The following DAB1 variants were observed in gnomAD, a reference collection of about 807,000 sequenced individuals.
The protein encoded by DAB1 is DAB adaptor protein 1, also known as disabled homolog 1.
A neutral mutation model predicts 64.6 loss-of-function variants in DAB1; 15 were observed. The ratio of observed to expected loss-of-function variants is 0.23; its 90% CI spans 0.16 to 0.36. The LOEUF (loss-of-function observed/expected upper bound fraction) is 0.36. DAB1 is among the 10% of genes least tolerant of loss of function. The pLI is 1.00. For synonymous variants in DAB1, 235 were observed against 251.9 expected (o/e 0.93, Z 0.64); for missense variants, 596 against 706.7 (o/e 0.84, Z 1.78).
intron 3 of DAB1, among the ~76,000 whole-genome samples, chr1:58,439,233 G>A (rs1020836220): frequency 6.6e-6 from 1 of 152,042 alleles, no homozygotes. Flanking sequence ...GTTAACTGAT[G>A]TATCCCACAT....
At chr1:58,513,517 C>T (rs1646113387) in intron 2 of DAB1, among the ~76,000 whole-genome samples, 1 of 152,160 alleles carries the variant, frequency 6.6e-6, no homozygotes, top group Admixed American at 6.5e-5. Flanking sequence ...GGTAACCTTT[C>T]CTTCTTAAAA....
intron 5 of DAB1, among the ~76,000 whole-genome samples, chr1:57,914,923 A>T (rs1400438563): frequency 6.6e-6 from 1 of 152,166 alleles, no homozygotes; most frequent in Non-Finnish European, 1.5e-5. Flanking sequence ...TAGCACCCTA[A>T]CTCTTAGGAA....
At chr1:57,799,333 C>G (rs1251323058) in intron 6 of DAB1, among the ~76,000 whole-genome samples, 1 of 152,138 alleles carries the variant, frequency 6.6e-6, no homozygotes, top group African/African-American at 2.4e-5. Flanking sequence ...CTTCCTTAAG[C>G]CTTCGGTGGC....
At chr1:58,141,368 A>T (rs1385201516) in intron 5 of DAB1, among the ~76,000 whole-genome samples, 1 of 152,066 alleles carries the variant, frequency 6.6e-6, no homozygotes, top group East Asian at 1.9e-4. Context: ...ATCTCGTGAG[A>T]CTTATTCACT....
At chr1:57,747,360 G>A (rs976076322) in intron 6 of DAB1, among the ~76,000 whole-genome samples, 3 of 152,034 alleles carry the variant, frequency 2.0e-5, no homozygotes, top group African/African-American at 7.3e-5. Flanking sequence ...CTACCTGAGG[G>A]GTACTTAGGA....
intron 2 of DAB1, among the ~76,000 whole-genome samples, chr1:57,275,443 A>G (rs1469376809): frequency 1.3e-5 from 2 of 152,220 alleles, no homozygotes; most frequent in Non-Finnish European, 2.9e-5. Flanking sequence ...TGCACTAATC[A>G]CTTGATGACA....
At chr1:57,252,845 G>A (rs969446814) in intron 2 of DAB1, among the ~76,000 whole-genome samples, 1 of 152,154 alleles carries the variant, frequency 6.6e-6, no homozygotes, top group Non-Finnish European at 1.5e-5. Context: ...GGCAGATCAA[G>A]GGGCTTAAAA....
At chr1:58,496,843 T>C (rs1419761696) in intron 3 of DAB1, among the ~76,000 whole-genome samples, 1 of 152,212 alleles carries the variant, frequency 6.6e-6, no homozygotes, top group Non-Finnish European at 1.5e-5. Context: ...TCTACATAGA[T>C]TTCTCGTGAA....
At chr1:57,892,820 T>C (rs906773049) in intron 5 of DAB1, among the ~76,000 whole-genome samples, 1 of 152,188 alleles carries the variant, frequency 6.6e-6, no homozygotes, top group Non-Finnish European at 1.5e-5. Flanking sequence ...TGACAGACAG[T>C]AGATATAAAT....
chr1:57,071,718 A>G (rs1253900512), intron 5 of DAB1, 77 bp from the exon 6 acceptor site: 3 of 1,379,386 alleles, frequency 2.2e-6, no homozygotes, highest in East Asian at 4.8e-5. Context: ...TTTTGCGGCG[A>G]CAACCCGCAG....
chr1:57,190,760 G>A (rs1230541103), intron 2 of DAB1, among the ~76,000 whole-genome samples: 1 of 152,148 alleles, frequency 6.6e-6, no homozygotes, highest in East Asian at 1.9e-4. Context: ...AGTACCAAGA[G>A]GCAACTCCAT....
intron 5 of DAB1, 150 bp downstream of exon 5, chr1:57,072,133 T>A: frequency 1.2e-6 from 1 of 858,322 alleles, no homozygotes; most frequent in Non-Finnish European, 1.8e-6. Context: ...AGGCTGTTTA[T>A]CTTTTCTAGA....
intron 7 of DAB1, among the ~76,000 whole-genome samples, chr1:57,531,020 T>C (rs1644657288): frequency 6.6e-6 from 1 of 152,152 alleles, no homozygotes; most frequent in African/African-American, 2.4e-5. Flanking sequence ...AGACTTACTT[T>C]TGATTTAAGT....
chr1:58,444,652 C>T (rs1557763791), intron 3 of DAB1, among the ~76,000 whole-genome samples: 1 of 152,218 alleles, frequency 6.6e-6, no homozygotes, highest in Non-Finnish European at 1.5e-5. Flanking sequence ...AAGTGATGCA[C>T]ATCTCTTGCA....
intron 4 of DAB1, among the ~76,000 whole-genome samples, chr1:57,105,246 G>T (rs914195338): frequency 6.6e-6 from 1 of 151,846 alleles, no homozygotes; most frequent in African/African-American, 2.4e-5. Flanking sequence ...TCTATGGCAA[G>T]AACACACTGG....
chr1:57,774,330 C>T (rs1447498074), intron 6 of DAB1, among the ~76,000 whole-genome samples: 6 of 151,756 alleles, frequency 4.0e-5, no homozygotes, highest in South Asian at 2.1e-4. Flanking sequence ...GCTAAATTCA[C>T]CTCTTAATTC....
intron 9 of DAB1, among the ~76,000 whole-genome samples, chr1:57,026,374 G>T (rs1261829998): frequency 6.6e-6 from 1 of 152,124 alleles, no homozygotes; most frequent in Non-Finnish European, 1.5e-5. Flanking sequence ...GGAGATAAAG[G>T]CAGGGAGGCA....
chr1:58,355,326 A>C (rs1644099607), intron 3 of DAB1, among the ~76,000 whole-genome samples: 1 of 152,210 alleles, frequency 6.6e-6, no homozygotes, highest in Admixed American at 6.5e-5. Context: ...TTGAAAGGCT[A>C]TATTGTTCAA....
chr1:58,534,258 C>CA (rs746741747), intron 1 of DAB1: 15 of 871,324 alleles, frequency 1.7e-5, no homozygotes, highest in Non-Finnish European at 2.8e-5. Flanking sequence ...AATTAGATGA[C>CA]AAAGCACTTC....
Sources: gnomAD v4.1 joint callset for allele counts (sites outside exome capture counted in the v4.1 genomes callset) on GRCh38, gnomAD v4.1.1 for gene constraint, MANE v1.5 for transcripts, NCBI Gene and HGNC (gene_info 2026-07-23, HGNC 2026-07-21) for gene names.